CACNA1B: variants seen among roughly 807,000 people sequenced by gnomAD.
The protein encoded by CACNA1B is voltage-dependent N-type calcium channel subunit alpha-1B.
In CACNA1B, 70 loss-of-function variants were observed where a neutral mutation model predicts 247.2. The observed-to-expected ratio is 0.28, with a 90% confidence interval of 0.23 to 0.35. The LOEUF is 0.35. CACNA1B is among the 10% of genes least tolerant of loss of function. The pLI is 1.00. For missense variants in CACNA1B, 2,367 were observed against 3,197.4 expected, an observed-to-expected ratio of 0.74 and a Z score of 6.26; for synonymous variants, 1,231 against 1,294.4, an observed-to-expected ratio of 0.95 and a Z score of 1.05.
intron 6 of CACNA1B, among the ~76,000 whole-genome samples, chr9:137,949,770 C>T (rs1018871942): frequency 1.1e-4 from 17 of 152,008 alleles, no homozygotes; most frequent in African/African-American, 3.9e-4. Flanking sequence ...TGAATGAGGT[C>T]CACCCCACAT....
intron 20 of CACNA1B, among the ~76,000 whole-genome samples, chr9:138,035,428 T>C (rs1959030423): frequency 6.6e-6 from 1 of 152,120 alleles, no homozygotes; most frequent in Non-Finnish European, 1.5e-5. Flanking sequence ...ATCGTGCCAC[T>C]GCACTTCAGC....
rs537419848 is a variant in CACNA1B, at chr9:138,098,577, A to G, written c.5222+1966A>G. Among the ~76,000 whole-genome samples, 25 of 152,300 alleles carry G rather than the reference A, an allele frequency of 1.6e-4. No individual in the cohort carries two copies. The South Asian group carries it at 2.7e-3, about 16-fold the overall frequency. On this transcript the variant is annotated intron_variant, in intron 37 of 46. Transcript: ENST00000371372. ...TTTATGAGCTACGCCCGGGCCTTCCACAGTCAGCCGCCGGCAAGAGCAGAG... is the reference window on the plus strand; with the variant it reads ...TTTATGAGCTACGCCCGGGCCTTCCGCAGTCAGCCGCCGGCAAGAGCAGAG...
At position 137,879,116 on chromosome 9, in the gene CACNA1B, A is replaced by C. The variant is rs776733785; in HGVS notation, c.347A>C (p.Gln116Pro). Residue 116 changes from glutamine to proline, a missense_variant, in exon 2 of 47, where the codon CAG (glutamine) becomes CCG (proline). Physicochemically the swap from Gln to Pro is moderately conservative, Grantham distance 76. Around this residue, in one of 12 missense-constraint regions of CACNA1B, gnomAD observed 130 missense variants for 338.7 expected, o/e 0.38. Transcript: ENST00000371372. ...AACTGCATCGTGCTGGCCCTGGAGC[A>C]GCACCTCCCTGATGGGGACAAAACG... Reference protein sequence around the residue: ...IANCIVLALEQHLPDGDKTPM... With the variant: ...IANCIVLALEPHLPDGDKTPM... The C allele has an allele frequency of 6.2e-7, 1 of 1,612,500 alleles. No homozygotes were observed. Among genetic ancestry groups the C allele is most frequent in the Non-Finnish European group, 8.5e-7 (1 of 1,179,524 alleles).
chr9:138,024,199 C>G (rs918081312), intron 19 of CACNA1B, among the ~76,000 whole-genome samples: 2 of 152,142 alleles, frequency 1.3e-5, no homozygotes, highest in Non-Finnish European at 2.9e-5. Flanking sequence ...GGCAGAAGGG[C>G]CCAAGGGAAG....
chr9:137,935,895 C>T (rs1187377159), intron 6 of CACNA1B, among the ~76,000 whole-genome samples: 11 of 151,878 alleles, frequency 7.2e-5, no homozygotes, highest in South Asian at 4.2e-4. Flanking sequence ...GGCTCACTGT[C>T]GCCCAGGCTG....
At chr9:138,037,617 C>G (rs1411806251) in intron 20 of CACNA1B, among the ~76,000 whole-genome samples, 1 of 152,006 alleles carries the variant, frequency 6.6e-6, no homozygotes, top group Non-Finnish European at 1.5e-5. Context: ...TGAGATCGCG[C>G]CATTTCACTC....
Position 137,986,968 on chromosome 9 carries a change from A to T in CACNA1B, c.1974+114A>T. 1.2e-6 allele frequency: 1 copy of T among 837,914 alleles called. No individual in the cohort carries two copies. Among genetic ancestry groups the T allele is most frequent in the South Asian group, 1.3e-5 (1 of 74,290 alleles). The allele number at this position is 837,914 out of a possible 1,614,324, so 51.9% of individuals were successfully genotyped here. A position where few individuals can be genotyped will look rare whatever the true frequency, so the allele number is the denominator to read the frequency against. ...CTTGTTCCTCCACACGGCCCAGATCACTGACTTTTCAGACACAGTGTTCCT... is the reference window on the plus strand; with the variant it reads ...CTTGTTCCTCCACACGGCCCAGATCTCTGACTTTTCAGACACAGTGTTCCT... On this transcript the variant is annotated intron_variant, in intron 15 of 46. Coordinates refer to ENST00000371372, the MANE Select transcript of CACNA1B (RefSeq NM_000718.4). The surrounding 1 kb of genome is among the most constrained non-coding windows in gnomAD (Gnocchi z 6.0).
intron 16 of CACNA1B, 81 bp downstream of exon 16, chr9:138,006,965 A>AT: frequency 2.7e-6 from 2 of 736,010 alleles, no homozygotes; most frequent in Admixed American, 2.0e-5. Flanking sequence ...GGATCCCTCC[A>AT]GGAGGACTAG....
At chr9:138,038,635 C>T (rs1172597535) in intron 20 of CACNA1B, among the ~76,000 whole-genome samples, 1 of 152,212 alleles carries the variant, frequency 6.6e-6, no homozygotes, top group Non-Finnish European at 1.5e-5. Flanking sequence ...CAGATGAGAG[C>T]CCAGAGTGTC....
Position 137,969,463 on chromosome 9 carries a change from C to A in CACNA1B, c.1334-1920C>A, listed in dbSNP as rs146277195. ...GTGAAAGGGCAGCATTTCTATGAGG[C>A]CTTTCTCATAGCAGAGGCTGACTGG... On this transcript the variant is annotated intron_variant, in intron 10 of 46. Transcript: ENST00000371372. Among the ~76,000 whole-genome samples, 626 of 152,268 alleles carry A rather than the reference C, an allele frequency of 4.1e-3. 1 individual carries two copies. The highest frequency in any genetic ancestry group is 6.2e-3 in the Non-Finnish European group (424 of 68,020).
Position 137,941,334 on chromosome 9 carries a change from C to T in CACNA1B, c.967-10940C>T, listed in dbSNP as rs1957730378. 1.3e-5 allele frequency among the ~76,000 whole-genome samples: 2 copies of T among 151,794 alleles called. 1 individual carries two copies. Among genetic ancestry groups the T allele is most frequent in the South Asian group, 4.2e-4 (2 of 4,806 alleles). On this transcript the variant is annotated intron_variant, in intron 6 of 46. Coordinates refer to ENST00000371372, the MANE Select transcript of CACNA1B (RefSeq NM_000718.4). ...CCTTTTACAATAGCTGCAAAACAAA[C>T]AAAAAACAGAAAGCCAAAAAACTTA...
intron 3 of CACNA1B, among the ~76,000 whole-genome samples, chr9:137,892,894 G>A (rs1052484990): frequency 1.3e-5 from 2 of 152,254 alleles, no homozygotes; most frequent in African/African-American, 4.8e-5. Flanking sequence ...GGTGGCCGCC[G>A]TGTTTCCATT....
rs1055679707 is a variant in CACNA1B at position 138,100,970 on chromosome 9, C to T, written c.5223-1741C>T. 10 of 415,424 alleles carry T rather than the reference C, an allele frequency of 2.4e-5. No homozygotes were observed. Among genetic ancestry groups the T allele is most frequent in the South Asian group, 1.8e-4 (10 of 55,688 alleles). The allele number at this position is 415,424 out of a possible 1,614,324, so 25.7% of individuals were successfully genotyped here. ...AAGCCCCAGTACCCCGGCGAGGTGC[C>T]ACCTGTCCAGTGCACCCCTCACCTC... On this transcript the variant is annotated intron_variant, in intron 37 of 46. Transcript: ENST00000371372. This position sits in a 1 kb window ranked among gnomAD's most constrained non-coding sequence, Gnocchi z 4.6.
At chr9:137,901,866 T>C (rs1008328055) in intron 3 of CACNA1B, among the ~76,000 whole-genome samples, 1 of 152,040 alleles carries the variant, frequency 6.6e-6, no homozygotes, top group African/African-American at 2.4e-5. Flanking sequence ...ATTTTTTGTA[T>C]TTTTAATAGA....
chr9:137,959,944 GC>G (rs1383132571), intron 10 of CACNA1B, among the ~76,000 whole-genome samples: 1 of 152,220 alleles, frequency 6.6e-6, no homozygotes, highest in Non-Finnish European at 1.5e-5. Flanking sequence ...AGGAGTGGAA[GC>G]GTGTGGAGGG....
chr9:137,909,000 T>C lies in CACNA1B; in HGVS notation c.531-4180T>C, dbSNP rs188653137. Among the ~76,000 whole-genome samples the C allele has an allele frequency of 4.6e-5, 7 of 151,578 alleles. No homozygotes were observed. In the East Asian group the frequency reaches 1.4e-3, roughly 30 times the overall value. ...AAGTTTTCTGTTTTAACCTTTTTTT[T>C]TTTTTTTGAGACAGAATTTCGCTCT... On this transcript the variant is annotated intron_variant, in intron 3 of 46. Coordinates refer to ENST00000371372, the MANE Select transcript of CACNA1B (RefSeq NM_000718.4).
rs4422842 is a variant in CACNA1B, at chr9:137,882,854, C to T, written c.501C>T (p.Asn167=). Residue 167 remains asparagine, a synonymous_variant, in exon 3 of 47, where the codon AAC becomes AAT. Coordinates refer to ENST00000371372, the MANE Select transcript of CACNA1B (RefSeq NM_000718.4). The surrounding 1 kb of genome is among the most constrained non-coding windows in gnomAD (Gnocchi z 4.0). ...GCTCTTACCTGCGGAACGGCTGGAA[C>T]GTCATGGACTTCGTGGTCGTCCTCA... ...HKGSYLRNGW[N]VMDFVVVLTG... The T allele has an allele frequency of 1.1e-5, 18 of 1,613,834 alleles. No homozygotes were observed. Among genetic ancestry groups the T allele is most frequent in the East Asian group, 1.1e-4 (5 of 44,894 alleles).
At chr9:137,878,303 G>T (rs976536688) in intron 1 of CACNA1B, 86 bp downstream of exon 1, 2 of 1,129,502 alleles carry the variant, frequency 1.8e-6, no homozygotes, top group African/African-American at 3.2e-5. Flanking sequence ...TGGCCGGGAG[G>T]GCGCGACCTG....
chr9:138,078,587 G>A (rs115363386), intron 36 of CACNA1B, among the ~76,000 whole-genome samples: 5,368 of 152,312 alleles, frequency 0.035, 112 homozygotes, highest in Middle Eastern at 0.058. Context: ...AGTGTACGGG[G>A]AAAGCAGCTG....
Sources: allele counts gnomAD v4.1 joint callset (sites outside exome capture counted in the v4.1 genomes callset), GRCh38; gene constraint gnomAD v4.1.1; regional missense constraint gnomAD v4.1.1; non-coding constraint Gnocchi (gnomAD v3.1); transcripts MANE v1.5; gene names NCBI Gene and HGNC (gene_info 2026-07-23, HGNC 2026-07-21).